The following MIB1 variants were observed in gnomAD, a reference collection of about 807,000 sequenced individuals.
The protein encoded by MIB1 is E3 ubiquitin-protein ligase MIB1.
A neutral mutation model predicts 124.5 loss-of-function variants in MIB1; 278 were observed. That is an observed-to-expected ratio of 2.23 (90% CI 2.02 to 2.47). MIB1 has a LOEUF of 2.47. Among genes scored for constraint, MIB1 ranks in the 30% most tolerant of loss-of-function variants. The pLI is 0.00. For missense variants in MIB1, 957 were observed against 1,254.4 expected, an observed-to-expected ratio of 0.76 and a Z score of 3.58; for synonymous variants, 446 against 429.4, an observed-to-expected ratio of 1.04 and a Z score of -0.48.
chr18:21,798,911 A>C (rs908036440), intron 8 of MIB1, among the ~76,000 whole-genome samples: 3 of 152,132 alleles, frequency 2.0e-5, no homozygotes, highest in Non-Finnish European at 4.4e-5. Flanking sequence ...GGAAAACATA[A>C]AGTGACTTCC....
At chr18:21,772,135 A>T (rs2041230655) in intron 3 of MIB1, among the ~76,000 whole-genome samples, 1 of 152,234 alleles carries the variant, frequency 6.6e-6, no homozygotes, top group Non-Finnish European at 1.5e-5. Context: ...ATTTCCACAA[A>T]TATATCATAA....
intron 19 of MIB1, among the ~76,000 whole-genome samples, chr18:21,858,253 A>G (rs1021824385): frequency 2.6e-5 from 4 of 152,238 alleles, no homozygotes; most frequent in Admixed American, 6.5e-5. Context: ...TGAGCTTGCC[A>G]AAGGAAGCAC....
chr18:21,836,711 T>C lies in MIB1; in HGVS notation c.1830-1654T>C, dbSNP rs1196635053. ...TTACATTTTGTTTTTAATAAAACGT[T>C]TTTCCACTTTTCACATGATTTAATA... On this transcript the variant is annotated intron_variant, in intron 12 of 20. Transcript: ENST00000261537. 3.3e-5 allele frequency among the ~76,000 whole-genome samples: 5 copies of C among 152,212 alleles called. No homozygotes were observed. In the East Asian group the frequency reaches 5.8e-4, roughly 18 times the overall value.
chr18:21,802,691 T>G (rs984565135), intron 9 of MIB1, among the ~76,000 whole-genome samples: 60 of 152,196 alleles, frequency 3.9e-4, no homozygotes, highest in Admixed American at 3.7e-3. Flanking sequence ...TCCTTGGTTG[T>G]TTGTTCTTCT....
At position 21,868,981 on chromosome 18, in the gene MIB1, C is replaced by T. The variant is rs983303314; in HGVS notation, c.*4315C>T. 6.6e-6 allele frequency: 1 copy of T among 152,390 alleles called. No individual in the cohort carries two copies. The highest frequency in any genetic ancestry group is 1.5e-5 in the Non-Finnish European group (1 of 67,886). 9.4% of individuals were successfully genotyped at this position (152,390 alleles called of 1,614,324 possible). A position where few individuals can be genotyped will look rare whatever the true frequency, so the allele number is the denominator to read the frequency against. On this transcript the variant is annotated 3_prime_UTR_variant, in exon 21 of 21. Coordinates refer to ENST00000261537, the MANE Select transcript of MIB1 (RefSeq NM_020774.4). ...TAAATTGCTACATTGGCATTTTCTA[C>T]CTCCTTTTCTGTCAGAGTATTACTT...
intron 14 of MIB1, among the ~76,000 whole-genome samples, chr18:21,843,604 A>C (rs2042110443): frequency 6.6e-6 from 1 of 152,206 alleles, no homozygotes; most frequent in African/African-American, 2.4e-5. Flanking sequence ...TTGTTATTTG[A>C]AATTCCTCTT....
intron 1 of MIB1, among the ~76,000 whole-genome samples, chr18:21,742,117 T>C (rs1017264470): frequency 6.6e-6 from 1 of 152,106 alleles, no homozygotes; most frequent in African/African-American, 2.4e-5. Flanking sequence ...CGACTCCTCC[T>C]CTTGGGAAGG....
intron 7 of MIB1, chr18:21,793,780 TCAAAAAAAAAAA>T (rs2041537646): frequency 6.1e-5 from 1 of 16,282 alleles, no homozygotes; most frequent in Admixed American, 9.6e-4. Flanking sequence ...AGACCCTGTC[TCAAAAAAAAAAA>T]AAAAAAAAAA....
At chr18:21,819,775 A>G (rs1455971811) in intron 12 of MIB1, 129 bp downstream of exon 12, 1 of 524,176 alleles carries the variant, frequency 1.9e-6, no homozygotes, top group African/African-American at 1.9e-5. Context: ...AAGTTTTGTG[A>G]ATATTATGCC....
intron 2 of MIB1, among the ~76,000 whole-genome samples, chr18:21,767,524 C>G (rs1271114348): frequency 6.6e-6 from 1 of 151,988 alleles, no homozygotes; most frequent in Non-Finnish European, 1.5e-5. Context: ...CAATACAGTA[C>G]TCTTAAATTT....
chr18:21,735,637 G>A (rs1345950840), intron 1 of MIB1, among the ~76,000 whole-genome samples: 15 of 152,314 alleles, frequency 9.8e-5, no homozygotes, highest in Admixed American at 7.8e-4. Flanking sequence ...TGAAATTCTC[G>A]CTGCTAGCAC....
chr18:21,834,849 G>A (rs1054981825), intron 12 of MIB1, among the ~76,000 whole-genome samples: 4 of 152,206 alleles, frequency 2.6e-5, no homozygotes, highest in Admixed American at 1.3e-4. Context: ...AATCTCAGGT[G>A]TGGACTTTGG....
At chr18:21,745,958 A>G (rs1194333096) in intron 1 of MIB1, among the ~76,000 whole-genome samples, 1 of 152,100 alleles carries the variant, frequency 6.6e-6, no homozygotes, top group Non-Finnish European at 1.5e-5. Context: ...CCATAGCCTC[A>G]GCCTCCCAAA....
In MIB1 at chr18:21,742,967, G is replaced by A. The variant is rs112951080; in HGVS notation, c.229+1155G>A. On this transcript the variant is annotated intron_variant, in intron 1 of 20. Coordinates refer to ENST00000261537, the MANE Select transcript of MIB1 (RefSeq NM_020774.4). ...TATTAAAAAAAATTTTTGTTTTAGA[G>A]ACAGTTGTCTCGTTTTATTTCTCCG... 2.6e-4 allele frequency among the ~76,000 whole-genome samples: 40 copies of A among 152,216 alleles called. 1 individual carries two copies. The highest frequency in any genetic ancestry group is 9.1e-4 in the African/African-American group (38 of 41,544).
At chr18:21,831,595 T>C (rs1354436190) in intron 12 of MIB1, among the ~76,000 whole-genome samples, 1 of 152,114 alleles carries the variant, frequency 6.6e-6, no homozygotes, top group Non-Finnish European at 1.5e-5. Flanking sequence ...TTTCTGCCTA[T>C]TGATTGTTCA....
chr18:21,806,625 G>GTTT (rs1156634721), intron 10 of MIB1, among the ~76,000 whole-genome samples: 4 of 141,604 alleles, frequency 2.8e-5, no homozygotes, highest in African/African-American at 1.0e-4. Flanking sequence ...TTTGTTTTTT[G>GTTT]TTTTTTTTTT....
rs57360671 is a variant in MIB1 at position 21,840,627 on chromosome 18, GTATATATATATATATATA to G, written c.1962+2152_1962+2169del. 9.8e-4 allele frequency among the ~76,000 whole-genome samples: 108 copies of G among 110,612 alleles called. 1 individual carries two copies. Among genetic ancestry groups the G allele is most frequent in the Admixed American group, 2.2e-3 (22 of 10,098 alleles). The allele number at this position is 110,612 out of a possible 152,430, so 72.6% of individuals were successfully genotyped here. On this transcript the variant is annotated intron_variant, in intron 13 of 20. Coordinates refer to ENST00000261537, the MANE Select transcript of MIB1 (RefSeq NM_020774.4). ...AACATTGTGAGATCTCATCTCTACT[GTATATATATATATATATA>G]TATATATATATATATATATATTTTT...
At chr18:21,709,304 C>T (rs1161106096) in intron 1 of MIB1, among the ~76,000 whole-genome samples, 2 of 61,838 alleles carry the variant, frequency 3.2e-5, no homozygotes, top group African/African-American at 1.9e-4. Context: ...GGCGAAAGAG[C>T]GAGACTGTCT....
At chr18:21,863,248 G>A (rs899518489) in intron 20 of MIB1, among the ~76,000 whole-genome samples, 13 of 152,246 alleles carry the variant, frequency 8.5e-5, no homozygotes, top group Admixed American at 2.6e-4. Flanking sequence ...ACGGACAGCG[G>A]TGTGTTATCA....
Sources: gnomAD v4.1 joint callset for allele counts (sites outside exome capture counted in the v4.1 genomes callset) on GRCh38, gnomAD v4.1.1 for gene constraint, MANE v1.5 for transcripts, NCBI Gene and HGNC (gene_info 2026-07-23, HGNC 2026-07-21) for gene names.